Variants in LIX1L observed in about 807,000 individuals in gnomAD.
LIX1L encodes limb and CNS expressed 1 like.
In LIX1L, 20 loss-of-function variants were observed where a neutral mutation model predicts 34.0. That is an observed-to-expected ratio of 0.59 (90% CI 0.41 to 0.85). The LOEUF (loss-of-function observed/expected upper bound fraction) is 0.85. Among genes scored for constraint, LIX1L ranks in the 40% least tolerant of loss-of-function variants. LIX1L has a pLI of 0.00. For missense variants in LIX1L, 397 were observed against 447.0 expected, an observed-to-expected ratio of 0.89 and a Z score of 1.01; for synonymous variants, 170 against 187.4, an observed-to-expected ratio of 0.91 and a Z score of 0.76.
intron 1 of LIX1L, among the ~76,000 whole-genome samples, chr1:145,952,899 C>T (rs1338236256): frequency 1.3e-5 from 2 of 152,044 alleles, no homozygotes; most frequent in African/African-American, 4.8e-5. Flanking sequence ...GTGTGAGTCA[C>T]CGCACCTAAC....
At position 145,936,920 on chromosome 1, in the gene LIX1L, T is replaced by G; in HGVS notation, c.759A>C (p.Gln253His). ...NGSLKAMRER[Q>H]CSRQEVLAHY... ...TAAAATCTCTTACCTGCCGAGAGCA[T>G]TGTCGTTCCCTCATGGCCTTAAGGC... Residue 253 changes from glutamine to histidine, a missense_variant, in exon 5 of 6, where the codon CAA becomes CAC. Gln to His is a conservative substitution (Grantham distance 24). Coordinates refer to ENST00000604000, the MANE Select transcript of LIX1L (RefSeq NM_153713.3). The G allele has an allele frequency of 6.2e-7, 1 of 1,611,852 alleles. No homozygotes were observed.
rs587620699 is a variant in LIX1L at position 145,945,903 on chromosome 1, T to C, written c.456+1716A>G. Among the ~76,000 whole-genome samples the C allele has an allele frequency of 2.5e-3, 346 of 136,318 alleles. 2 individuals carry two copies. The highest frequency in any genetic ancestry group is 4.4e-3 in the Middle Eastern group (1 of 228). 89.4% of individuals were successfully genotyped at this position (136,318 alleles called of 152,430 possible). A position where few individuals can be genotyped will look rare whatever the true frequency, so the allele number is the denominator to read the frequency against. On this transcript the variant is annotated intron_variant, in intron 2 of 5. Coordinates refer to ENST00000604000, the MANE Select transcript of LIX1L (RefSeq NM_153713.3). ...GAGATTGAGACCATCCTGGCTAACA[T>C]GGTGAAACCCTGTCTCTACTAAAAA... is the stretch of plus-strand genomic sequence containing the variant.
At chr1:145,943,392 G>A (rs1553758906) in intron 2 of LIX1L, among the ~76,000 whole-genome samples, 1 of 152,186 alleles carries the variant, frequency 6.6e-6, no homozygotes, top group African/African-American at 2.4e-5. Flanking sequence ...CTCAAATAAC[G>A]TAGTGAGCCA....
intron 1 of LIX1L, among the ~76,000 whole-genome samples, chr1:145,954,577 C>A (rs1427098854): frequency 6.6e-6 from 1 of 152,058 alleles, no homozygotes; most frequent in Non-Finnish European, 1.5e-5. Context: ...GCAATACTTC[C>A]AAAACAACAG....
intron 3 of LIX1L, among the ~76,000 whole-genome samples, chr1:145,940,811 A>T (rs1328266422): frequency 1.3e-5 from 2 of 151,114 alleles, no homozygotes; most frequent in African/African-American, 4.9e-5. Flanking sequence ...TCGGCCTCCG[A>T]AAGTGCTGGG....
intron 1 of LIX1L, among the ~76,000 whole-genome samples, chr1:145,951,487 T>A (rs913992649): frequency 6.6e-6 from 1 of 152,210 alleles, no homozygotes; most frequent in Non-Finnish European, 1.5e-5. Context: ...CTTTTAAGAA[T>A]GCTCATTCTT....
chr1:145,957,560 A>G, intron 1 of LIX1L, 76 bp downstream of exon 1: 1 of 1,375,536 alleles, frequency 7.3e-7, no homozygotes, highest in Non-Finnish European at 9.4e-7. Context: ...ACGCCAGGAA[A>G]AGCGATCCGG....
At position 145,935,898 on chromosome 1, in the gene LIX1L, C is replaced by A. The variant is rs782708922; in HGVS notation, c.*412G>T. 11 of 197,684 alleles carry A rather than the reference C, an allele frequency of 5.6e-5. No individual in the cohort carries two copies. The highest frequency in any genetic ancestry group is 1.2e-4 in the Non-Finnish European group (11 of 95,306). The allele number at this position is 197,684 out of a possible 1,614,324, so 12.2% of individuals were successfully genotyped here. The stretch of plus-strand genomic sequence containing the variant: ...AAAGGCAAAATCTTCATACTCATAC[C>A]CTGTTTGAGTCCAAGAGGAAGCAGG... On this transcript the variant is annotated 3_prime_UTR_variant, in exon 6 of 6. Coordinates refer to ENST00000604000, the MANE Select transcript of LIX1L (RefSeq NM_153713.3).
At chr1:145,956,435 CTCAG>C (rs1326843584) in intron 1 of LIX1L, among the ~76,000 whole-genome samples, 37 of 152,270 alleles carry the variant, frequency 2.4e-4, no homozygotes, top group African/African-American at 8.9e-4. Context: ...TTTGCAATGT[CTCAG>C]TCAATCCATA....
chr1:145,958,013 G>A lies in LIX1L; in HGVS notation c.-86C>T, dbSNP rs905803910. On this transcript the variant is annotated 5_prime_UTR_variant, in exon 1 of 6. Transcript: ENST00000604000. ...CCACCCCAGTCAGCTAGCGCCTGGG[G>A]ACTCAGGGCGGTGCCAGGGCCGAAC... is the stretch of plus-strand genomic sequence containing the variant. 1 of 961,330 alleles carries A rather than the reference G, an allele frequency of 1.0e-6. No homozygotes were observed. The highest frequency in any genetic ancestry group is 1.7e-5 in the African/African-American group (1 of 57,904). 59.6% of individuals were successfully genotyped at this position (961,330 alleles called of 1,614,324 possible). A position where few individuals can be genotyped will look rare whatever the true frequency, so the allele number is the denominator to read the frequency against.
chr1:145,951,237 C>T (rs587754663), intron 1 of LIX1L, among the ~76,000 whole-genome samples: 16 of 152,188 alleles, frequency 1.1e-4, no homozygotes, highest in East Asian at 3.9e-4. Context: ...AGTAGAGACA[C>T]GGTTTCACCA....
chr1:145,952,383 G>C (rs1649327091), intron 1 of LIX1L, among the ~76,000 whole-genome samples: 1 of 152,160 alleles, frequency 6.6e-6, no homozygotes, highest in Admixed American at 6.5e-5. Context: ...GATGGCTAAA[G>C]AACAGTGAGG....
In LIX1L at chr1:145,936,891, C is replaced by G; in HGVS notation, c.771+17G>C. On this transcript the variant is annotated intron_variant, in intron 5 of 5. Transcript: ENST00000604000. ...ATTGTGCTCCCCTCATTCGCCCCCA[C>G]TCATAAAATCTCTTACCTGCCGAGA... The G allele has an allele frequency of 6.4e-7, 1 of 1,562,346 alleles. No homozygotes were observed.
chr1:145,938,749 G>A (rs1262303633), intron 3 of LIX1L, among the ~76,000 whole-genome samples: 4 of 151,822 alleles, frequency 2.6e-5, no homozygotes, highest in East Asian at 1.9e-4. Flanking sequence ...CATCACGCCC[G>A]GCTAATTTTT....
intron 1 of LIX1L, 78 bp from the exon 2 acceptor site, chr1:145,947,860 T>G: frequency 7.7e-7 from 1 of 1,299,084 alleles, no homozygotes; most frequent in Non-Finnish European, 1.1e-6. Context: ...ACAGTACCTG[T>G]AACCTGTACC....
chr1:145,942,660 C>T lies in LIX1L; in HGVS notation c.597+53G>A, dbSNP rs1648962783. On this transcript the variant is annotated intron_variant, in intron 3 of 5. Transcript: ENST00000604000. ...TCACAGTAATTTACGACTTCCCAAGCAGCCAGTTCTCCCATCTCCCACTCT... is the reference window on the plus strand; with the variant it reads ...TCACAGTAATTTACGACTTCCCAAGTAGCCAGTTCTCCCATCTCCCACTCT... 5 of 1,560,046 alleles carry T rather than the reference C, an allele frequency of 3.2e-6. No individual in the cohort carries two copies. In the South Asian group the frequency reaches 3.4e-5, roughly 10 times the overall value.
chr1:145,940,246 G>A (rs782064245), intron 3 of LIX1L, among the ~76,000 whole-genome samples: 1 of 151,992 alleles, frequency 6.6e-6, no homozygotes, highest in Non-Finnish European at 1.5e-5. Context: ...GATTACAGGC[G>A]TGAGCCACCG....
intron 1 of LIX1L, among the ~76,000 whole-genome samples, chr1:145,951,967 T>C (rs78190486): frequency 0.014 from 2,156 of 152,270 alleles, 40 homozygotes; most frequent in African/African-American, 0.04. Context: ...AAATGATAAT[T>C]GGGCAAAGTG....
At chr1:145,949,879 C>T (rs182606376) in intron 1 of LIX1L, among the ~76,000 whole-genome samples, 53 of 149,542 alleles carry the variant, frequency 3.5e-4, no homozygotes, top group Admixed American at 1.3e-3. Context: ...TGCAGTGGAG[C>T]GATCTCAGCT....
Sources: gnomAD v4.1 joint callset for allele counts (sites outside exome capture counted in the v4.1 genomes callset) on GRCh38, gnomAD v4.1.1 for gene constraint, MANE v1.5 for transcripts, NCBI Gene and HGNC (gene_info 2026-07-23, HGNC 2026-07-21) for gene names.